NPAS2: variants seen among roughly 807,000 people sequenced by gnomAD.
NPAS2 encodes the protein neuronal PAS domain-containing protein 2.
A neutral mutation model predicts 107.5 loss-of-function variants in NPAS2; 23 were observed. The ratio of observed to expected loss-of-function variants is 0.21; its 90% CI spans 0.15 to 0.30. The LOEUF is 0.30. Ranked by LOEUF, NPAS2 falls within the 10% of genes least tolerant of loss-of-function variation. The pLI is 1.00. For synonymous variants in NPAS2, 403 were observed against 417.5 expected, an observed-to-expected ratio of 0.97 and a Z score of 0.42; for missense variants, 756 against 1,043.3, an observed-to-expected ratio of 0.72 and a Z score of 3.79.
chr2:100,943,142 T>C (rs895522), intron 5 of NPAS2, among the ~76,000 whole-genome samples: 93,790 of 152,090 alleles, frequency 0.62, 29,217 homozygotes, highest in Middle Eastern at 0.72. Flanking sequence ...GATGCCATAG[T>C]GGTGGCACCA....
intron 1 of NPAS2, among the ~76,000 whole-genome samples, chr2:100,869,086 A>C (rs1009298163): frequency 1.3e-4 from 18 of 139,542 alleles, no homozygotes; most frequent in Non-Finnish European, 2.4e-4. Flanking sequence ...GCACCATCAC[A>C]CCTGGCTAAT....
chr2:100,873,307 T>TATATATATATATATAC (rs1280164445), intron 1 of NPAS2, among the ~76,000 whole-genome samples: 1 of 41,894 alleles, frequency 2.4e-5, no homozygotes, highest in Non-Finnish European at 4.5e-5. Flanking sequence ...TATATATATA[T>TATATATATATATATAC]ACACACACAC....
chr2:100,968,758 C>T lies in NPAS2; in HGVS notation c.1055+330C>T, dbSNP rs1676378950. On this transcript the variant is annotated intron_variant, in intron 11 of 20. Transcript: ENST00000335681. This position sits in a 1 kb window ranked among gnomAD's most constrained non-coding sequence, Gnocchi z 5.3. ...CTGACCTACTTACATATTTTCCCAT[C>T]TCTATCCAGCCCACAGCCTTCCCTT... Among the ~76,000 whole-genome samples, 2 of 152,232 alleles carry T rather than the reference C, an allele frequency of 1.3e-5. No individual in the cohort carries two copies. The highest frequency in any genetic ancestry group is 2.4e-5 in the African/African-American group (1 of 41,464).
At chr2:100,851,658 G>A (rs527249967) in intron 1 of NPAS2, among the ~76,000 whole-genome samples, 4 of 152,298 alleles carry the variant, frequency 2.6e-5, no homozygotes, top group East Asian at 3.9e-4. Context: ...AGTGACATGC[G>A]GAAATGCATA....
chr2:100,944,804 G>A (rs2105021883), intron 5 of NPAS2, among the ~76,000 whole-genome samples: 1 of 152,078 alleles, frequency 6.6e-6, no homozygotes, highest in African/African-American at 2.4e-5. Context: ...TCTTTATTCT[G>A]TGCAGAACCC....
intron 1 of NPAS2, among the ~76,000 whole-genome samples, chr2:100,856,838 A>G (rs1468285751): frequency 6.6e-6 from 1 of 152,182 alleles, no homozygotes; most frequent in Non-Finnish European, 1.5e-5. Flanking sequence ...TTGCACCCTG[A>G]CCTTTTCAGA....
chr2:100,892,817 G>A (rs1326450299), intron 1 of NPAS2, among the ~76,000 whole-genome samples: 6 of 152,010 alleles, frequency 3.9e-5, no homozygotes, highest in Admixed American at 3.9e-4. Flanking sequence ...GCTCAGGTTC[G>A]AGTAATTCTC....
At chr2:100,856,818 T>G (rs1042429467) in intron 1 of NPAS2, among the ~76,000 whole-genome samples, 2 of 152,090 alleles carry the variant, frequency 1.3e-5, no homozygotes, top group Non-Finnish European at 2.9e-5. Flanking sequence ...GAGAGAGGTG[T>G]CCACGCTGCT....
At chr2:100,830,186 T>G (rs1676643872) in intron 1 of NPAS2, among the ~76,000 whole-genome samples, 1 of 152,104 alleles carries the variant, frequency 6.6e-6, no homozygotes, top group African/African-American at 2.4e-5. Context: ...ACATGACAGG[T>G]GGTAGAAGAA....
intron 1 of NPAS2, among the ~76,000 whole-genome samples, chr2:100,824,070 G>A (rs1351519122): frequency 2.6e-5 from 4 of 152,182 alleles, no homozygotes; most frequent in Admixed American, 6.5e-5. Context: ...AGTAAAGGAC[G>A]CGTGTTAGGC....
At chr2:100,841,061 A>T (rs1047244029) in intron 1 of NPAS2, among the ~76,000 whole-genome samples, 39 of 152,050 alleles carry the variant, frequency 2.6e-4, no homozygotes, top group African/African-American at 9.4e-4. Flanking sequence ...TGTTCTGAGG[A>T]TTCACGGAGA....
intron 2 of NPAS2, among the ~76,000 whole-genome samples, chr2:100,924,870 T>G (rs1045216362): frequency 6.6e-6 from 1 of 152,204 alleles, no homozygotes; most frequent in Non-Finnish European, 1.5e-5. Flanking sequence ...GAGATCCGAA[T>G]GAGCAGCATC....
chr2:100,985,823 A>C (rs1677745623), intron 16 of NPAS2: 1 of 152,334 alleles, frequency 6.6e-6, no homozygotes, highest in South Asian at 2.1e-4. Context: ...AAAGTTATTA[A>C]AATTGCCGAA....
At chr2:100,897,992 C>T (rs768543912) in intron 1 of NPAS2, among the ~76,000 whole-genome samples, 10 of 152,206 alleles carry the variant, frequency 6.6e-5, no homozygotes, top group Admixed American at 1.3e-4. Context: ...ATAGTACACA[C>T]GGTGCATGGA....
rs1299089959 is a variant in NPAS2, at chr2:100,873,301, TATATATACACACACACAC to T, written c.-22-31430_-22-31413del. ...ATATATATATATATATATATATATA[TATATATACACACACACAC>T]ACACACACACACACACACACACATA... On this transcript the variant is annotated intron_variant, in intron 1 of 20. Transcript: ENST00000335681. 3.2e-4 allele frequency among the ~76,000 whole-genome samples: 21 copies of T among 64,776 alleles called. No homozygotes were observed. In the East Asian group the frequency reaches 4.4e-3, roughly 14 times the overall value. 42.5% of individuals were successfully genotyped at this position (64,776 alleles called of 152,430 possible). A position where few individuals can be genotyped will look rare whatever the true frequency, so the allele number is the denominator to read the frequency against.
Position 100,941,771 on chromosome 2 carries a change from G to A in NPAS2, c.363+3929G>A, listed in dbSNP as rs575987544. 6.6e-5 allele frequency among the ~76,000 whole-genome samples: 10 copies of A among 152,256 alleles called. No homozygotes were observed. In the South Asian group the frequency reaches 2.1e-3, roughly 32 times the overall value. Reference sequence around the variant, plus strand: ...GTGCCTTGGACAGAATGGGGAAAGAGTACGGCTGAGGCAGAACCAAATGAG... The same window carrying A: ...GTGCCTTGGACAGAATGGGGAAAGAATACGGCTGAGGCAGAACCAAATGAG... On this transcript the variant is annotated intron_variant, in intron 5 of 20. Coordinates refer to ENST00000335681, the MANE Select transcript of NPAS2 (RefSeq NM_002518.4).
In NPAS2 at chr2:100,853,974, C is replaced by CA. The variant is rs5832937; in HGVS notation, c.-23+33577dup. 2.5e-3 allele frequency among the ~76,000 whole-genome samples: 290 copies of CA among 116,214 alleles called. 1 individual carries two copies. The highest frequency in any genetic ancestry group is 4.8e-3 in the East Asian group (19 of 3,986). The allele number at this position is 116,214 out of a possible 152,430, so 76.2% of individuals were successfully genotyped here. On this transcript the variant is annotated intron_variant, in intron 1 of 20. Transcript: ENST00000335681. ...GCAGGAAGATGGCTTCAGCCCACGACAAAAAAAAAAAAAAAAACACAAAAA... is the reference window on the plus strand; with the variant it reads ...GCAGGAAGATGGCTTCAGCCCACGACAAAAAAAAAAAAAAAAAACACAAAAA...
intron 12 of NPAS2, among the ~76,000 whole-genome samples, chr2:100,974,507 G>A (rs1446749812): frequency 6.6e-6 from 1 of 152,174 alleles, no homozygotes; most frequent in Non-Finnish European, 1.5e-5. Context: ...GCTGGGTGGT[G>A]AGGTGACAAT....
At position 100,883,717 on chromosome 2, in the gene NPAS2, C is replaced by A. The variant is rs145064802; in HGVS notation, c.-22-21016C>A. Among the ~76,000 whole-genome samples, 76 of 152,224 alleles carry A rather than the reference C, an allele frequency of 5.0e-4. 2 individuals are homozygous for A. The East Asian group carries it at 0.014, about 27-fold the overall frequency. On this transcript the variant is annotated intron_variant, in intron 1 of 20. Transcript: ENST00000335681. Reference sequence around the variant, plus strand: ...CAGAATAGTACATGAGCTAAACAGCCATCTTCAGGTGGTTATAAAACCTCA... The same window carrying A: ...CAGAATAGTACATGAGCTAAACAGCAATCTTCAGGTGGTTATAAAACCTCA...
Sources: gnomAD v4.1 joint callset for allele counts (sites outside exome capture counted in the v4.1 genomes callset) on GRCh38, gnomAD v4.1.1 for gene constraint, Gnocchi (gnomAD v3.1) non-coding constraint, MANE v1.5 for transcripts, NCBI Gene and HGNC (gene_info 2026-07-23, HGNC 2026-07-21) for gene names.